FER: variants seen among roughly 807,000 people sequenced by gnomAD.
The protein encoded by FER is tyrosine-protein kinase Fer.
Under a neutral mutation model 111.0 loss-of-function variants are expected in FER, and 63 were observed. That is an observed-to-expected ratio of 0.57 (90% CI 0.46 to 0.70). FER has a LOEUF of 0.70. Ranked by LOEUF, FER falls within the 30% of genes least tolerant of loss-of-function variation. The pLI is 0.00. For missense variants in FER, 914 were observed against 954.0 expected, an observed-to-expected ratio of 0.96 and a Z score of 0.55; for synonymous variants, 327 against 313.9, an observed-to-expected ratio of 1.04 and a Z score of -0.44.
chr5:108,908,684 G>A (rs1355215120), intron 10 of FER, among the ~76,000 whole-genome samples: 1 of 149,644 alleles, frequency 6.7e-6, no homozygotes, highest in African/African-American at 2.5e-5. Flanking sequence ...TGGCGCCATT[G>A]CACTCTAGCC....
At chr5:108,824,798 G>A (rs1759272048) in intron 3 of FER, among the ~76,000 whole-genome samples, 1 of 151,764 alleles carries the variant, frequency 6.6e-6, no homozygotes. Context: ...CGAGATTATC[G>A]GGGGACCTGC....
At chr5:108,897,953 T>A in intron 10 of FER, 105 bp downstream of exon 10, 1 of 1,054,020 alleles carries the variant, frequency 9.5e-7, no homozygotes, top group Non-Finnish European at 1.3e-6. Context: ...TTACTCTTGT[T>A]AATATGCAGG....
At chr5:108,804,879 C>G (rs59070487) in intron 3 of FER, among the ~76,000 whole-genome samples, 18,038 of 150,890 alleles carry the variant, frequency 0.12, 1,709 homozygotes, top group African/African-American at 0.27. Context: ...AGAATTCCCT[C>G]CTACTTGATT....
At position 108,994,704 on chromosome 5, in the gene FER, A is replaced by G. The variant is rs376324637; in HGVS notation, c.1656+35357A>G. ...GAATTTATAAATTGCTTTGGGCAGTATGGCCTTTTTTATGATACTGATTAT... is the reference window on the plus strand; with the variant it reads ...GAATTTATAAATTGCTTTGGGCAGTGTGGCCTTTTTTATGATACTGATTAT... On this transcript the variant is annotated intron_variant, in intron 13 of 19. Transcript: ENST00000281092. Among the ~76,000 whole-genome samples, 38 of 152,272 alleles carry G rather than the reference A, an allele frequency of 2.5e-4. 1 individual carries two copies. In the South Asian group the frequency reaches 7.7e-3, roughly 31 times the overall value.
intron 13 of FER, among the ~76,000 whole-genome samples, chr5:108,985,308 G>A (rs950819670): frequency 7.9e-5 from 12 of 152,102 alleles, no homozygotes; most frequent in African/African-American, 2.9e-4. Flanking sequence ...ATAACGGGAT[G>A]ATATCTTTAC....
At chr5:108,834,798 C>T (rs1760441881) in intron 4 of FER, among the ~76,000 whole-genome samples, 1 of 151,122 alleles carries the variant, frequency 6.6e-6, no homozygotes, top group African/African-American at 2.4e-5. Flanking sequence ...GATTTGAACT[C>T]ATTTATATTT....
intron 10 of FER, among the ~76,000 whole-genome samples, chr5:108,922,640 C>T (rs1192434222): frequency 6.6e-6 from 1 of 151,660 alleles, no homozygotes; most frequent in Non-Finnish European, 1.5e-5. Flanking sequence ...ATAAGTGAAA[C>T]CAATCAGGGA....
chr5:108,774,519 A>C (rs181170015), intron 2 of FER, among the ~76,000 whole-genome samples: 2 of 152,272 alleles, frequency 1.3e-5, no homozygotes, highest in Admixed American at 1.3e-4. Context: ...CATTCCCATC[A>C]ACAGTGTAAA....
At chr5:109,056,962 T>C (rs1431502946) in intron 16 of FER, among the ~76,000 whole-genome samples, 25 of 152,202 alleles carry the variant, frequency 1.6e-4, no homozygotes, top group Admixed American at 1.6e-3. Flanking sequence ...TCAGTTTCTA[T>C]AGAAAGGCTT....
chr5:108,853,817 G>T (rs1762748176), intron 5 of FER, among the ~76,000 whole-genome samples: 1 of 152,188 alleles, frequency 6.6e-6, no homozygotes, highest in Non-Finnish European at 1.5e-5. Flanking sequence ...GAAGCCATTG[G>T]AGTGTTTTGA....
chr5:108,754,422 A>T (rs1373685617), intron 1 of FER, among the ~76,000 whole-genome samples: 1 of 151,628 alleles, frequency 6.6e-6, no homozygotes, highest in Non-Finnish European at 1.5e-5. Context: ...AAAAAAAAAA[A>T]AAAAAAAATA....
At chr5:108,870,329 A>C (rs72791996) in intron 6 of FER, among the ~76,000 whole-genome samples, 3,327 of 152,140 alleles carry the variant, frequency 0.022, 45 homozygotes, top group Middle Eastern at 0.034. Context: ...TCCACATTAC[A>C]CCTATTTACT....
At chr5:108,862,017 T>C (rs1459461643) in intron 5 of FER, among the ~76,000 whole-genome samples, 1 of 152,184 alleles carries the variant, frequency 6.6e-6, no homozygotes, top group Non-Finnish European at 1.5e-5. Flanking sequence ...TAAGTATGCC[T>C]TATAACCAAA....
At chr5:108,777,473 G>A (rs1279279438) in intron 2 of FER, among the ~76,000 whole-genome samples, 2 of 152,112 alleles carry the variant, frequency 1.3e-5, no homozygotes, top group Non-Finnish European at 2.9e-5. Context: ...GTTCACTCTT[G>A]GCATTGTACA....
chr5:109,188,992 G>A lies in FER; in HGVS notation c.*1417G>A, dbSNP rs1337673661. ...CTAGAAGTCAGGTGAATATTAATGA[G>A]AAATATGACATAGGGACAGCCCTCC... On this transcript the variant is annotated 3_prime_UTR_variant, in exon 20 of 20. Coordinates refer to ENST00000281092, the MANE Select transcript of FER (RefSeq NM_005246.4). 3.3e-5 allele frequency: 5 copies of A among 152,184 alleles called. No homozygotes were observed. Among genetic ancestry groups the A allele is most frequent in the Admixed American group, 3.3e-4 (5 of 15,274 alleles). 9.4% of individuals were successfully genotyped at this position (152,184 alleles called of 1,614,324 possible).
chr5:108,933,369 G>GT (rs1754978046), intron 10 of FER, among the ~76,000 whole-genome samples: 1 of 152,126 alleles, frequency 6.6e-6, no homozygotes, highest in Admixed American at 6.6e-5. Flanking sequence ...CCCATTGCTT[G>GT]TTTTTGTTAG....
chr5:109,143,974 A>G (rs1323724862), intron 17 of FER, among the ~76,000 whole-genome samples: 2 of 151,932 alleles, frequency 1.3e-5, no homozygotes, highest in Non-Finnish European at 2.9e-5. Context: ...CTTGATTGCC[A>G]TTAACACACT....
At chr5:108,968,037 A>G (rs73211537) in intron 13 of FER, among the ~76,000 whole-genome samples, 9,392 of 152,188 alleles carry the variant, frequency 0.062, 654 homozygotes, top group African/African-American at 0.17. Flanking sequence ...TAAAGTTAAG[A>G]GAAGATATAA....
At chr5:108,856,596 T>C (rs542714387) in intron 5 of FER, among the ~76,000 whole-genome samples, 5 of 152,326 alleles carry the variant, frequency 3.3e-5, no homozygotes, top group African/African-American at 1.2e-4. Flanking sequence ...GCTTTCATTT[T>C]AATTTTCGTA....
Sources: gnomAD v4.1 joint callset for allele counts (sites outside exome capture counted in the v4.1 genomes callset) on GRCh38, gnomAD v4.1.1 for gene constraint, MANE v1.5 for transcripts, NCBI Gene and HGNC (gene_info 2026-07-23, HGNC 2026-07-21) for gene names.